The following HNRNPL variants were observed in gnomAD, a reference collection of about 807,000 sequenced individuals.
The protein encoded by HNRNPL is heterogeneous nuclear ribonucleoprotein L, also known as epididymis secretory sperm binding protein.
In HNRNPL, 12 loss-of-function variants were observed where a neutral mutation model predicts 64.0. The ratio of observed to expected loss-of-function variants is 0.19; its 90% CI spans 0.12 to 0.30. The LOEUF (loss-of-function observed/expected upper bound fraction) is 0.30. Among genes scored for constraint, HNRNPL ranks in the 10% least tolerant of loss-of-function variants. The probability of loss-of-function intolerance (pLI) is 1.00; values close to 1 mark genes in which losing one functional copy is unlikely to be tolerated. For missense variants in HNRNPL, 484 were observed against 797.4 expected (o/e 0.61, Z 4.73); for synonymous variants, 385 against 313.0 (o/e 1.23, Z -2.43).
chr19:38,844,105 G>A lies in HNRNPL; in HGVS notation c.711-1C>T, dbSNP rs749309091. ...CTGGGCACTTTGAACTGAGTCAAAT[G>A]TGAGTCAAGTTAAGGAAAGTCCCAT... On this transcript the variant is annotated splice_acceptor_variant, in intron 4 of 12. Transcript: ENST00000221419. LOFTEE classifies it high-confidence loss of function. 5 of 1,601,244 alleles carry A rather than the reference G, an allele frequency of 3.1e-6. No homozygotes were observed. Among genetic ancestry groups the A allele is most frequent in the African/African-American group, 1.3e-5 (1 of 74,666 alleles).
At chr19:38,838,739 C>T in intron 9 of HNRNPL, 141 bp from the exon 10 acceptor site, 1 of 1,307,024 alleles carries the variant, frequency 7.7e-7, no homozygotes, top group Admixed American at 1.7e-5. Context: ...CTCACTTTCT[C>T]CTGTGGTGTC....
At chr19:38,843,588 C>T (rs1972185574) in intron 6 of HNRNPL, 5 of 522,064 alleles carry the variant, frequency 9.6e-6, no homozygotes, top group Non-Finnish European at 1.4e-5. Flanking sequence ...TGAGGCCCTG[C>T]TCCCCGCCCA....
chr19:38,849,622 C>T, intron 1 of HNRNPL, 78 bp downstream of exon 1: 1 of 1,293,266 alleles, frequency 7.7e-7, no homozygotes, highest in Non-Finnish European at 9.8e-7. Context: ...AGGCCCCCCT[C>T]AAAAAATAAA....
At chr19:38,848,140 G>C (rs560983425) in intron 1 of HNRNPL, among the ~76,000 whole-genome samples, 2 of 152,308 alleles carry the variant, frequency 1.3e-5, no homozygotes, top group South Asian at 2.1e-4. Context: ...ACCCAGGCTG[G>C]AGTGCTATGG....
At chr19:38,842,606 G>C (rs947816809) in intron 6 of HNRNPL, among the ~76,000 whole-genome samples, 6 of 152,110 alleles carry the variant, frequency 3.9e-5, no homozygotes, top group Non-Finnish European at 8.8e-5. Flanking sequence ...TGCATGTTCT[G>C]TTCTCTCCAG....
At chr19:38,847,859 A>G (rs1972353488) in intron 1 of HNRNPL, among the ~76,000 whole-genome samples, 1 of 152,186 alleles carries the variant, frequency 6.6e-6, no homozygotes, top group South Asian at 2.1e-4. Flanking sequence ...TCCCCTTTGC[A>G]TGTGCCCCAA....
chr19:38,840,421 C>A, intron 7 of HNRNPL, 45 bp from the exon 8 acceptor site: 1 of 1,562,762 alleles, frequency 6.4e-7, no homozygotes, highest in Non-Finnish European at 8.7e-7. Flanking sequence ...TGAGAATTTG[C>A]ACGGCGGGCG....
At chr19:38,845,554 G>A (rs570748084) in intron 4 of HNRNPL, 96 bp downstream of exon 4, 26 of 973,578 alleles carry the variant, frequency 2.7e-5, no homozygotes, top group South Asian at 2.6e-4. Flanking sequence ...AGCCACTCCC[G>A]TGGTCAGCAG....
chr19:38,850,596 G>A (rs968889901), upstream of HNRNPL, among the ~76,000 whole-genome samples: 4 of 152,240 alleles, frequency 2.6e-5, no homozygotes, highest in Admixed American at 2.6e-4. Flanking sequence ...ACGAGCGAAG[G>A]CGAGAACGCA....
Position 38,837,366 on chromosome 19 carries a change from G to A in HNRNPL, c.1711+18C>T, listed in dbSNP as rs1224813825. ...TTAGGTCACCAGGTTGATGCCTGCA[G>A]GACACACAGATACTCACTTGGGTTT... On this transcript the variant is annotated intron_variant, in intron 12 of 12. Coordinates refer to ENST00000221419, the MANE Select transcript of HNRNPL (RefSeq NM_001533.3). 4 of 1,598,734 alleles carry A rather than the reference G, an allele frequency of 2.5e-6. No individual in the cohort carries two copies. The highest frequency in any genetic ancestry group is 2.6e-6 in the Non-Finnish European group (3 of 1,166,266).
intron 6 of HNRNPL, chr19:38,840,827 A>G (rs1600054441): frequency 2.1e-6 from 1 of 480,158 alleles, no homozygotes; most frequent in East Asian, 4.0e-5. Context: ...GCTCTCACCT[A>G]CCCTGGCCCT....
chr19:38,849,600 G>A (rs1220301820), intron 1 of HNRNPL, 100 bp downstream of exon 1: 6 of 1,277,112 alleles, frequency 4.7e-6, no homozygotes, highest in Non-Finnish European at 5.9e-6. Flanking sequence ...GATGGCCTGG[G>A]CGCGTGCGCA....
In HNRNPL at chr19:38,849,858, C is replaced by G; in HGVS notation, c.109G>C (p.Ala37Pro). The G allele has an allele frequency of 8.2e-7, 1 of 1,221,474 alleles. No individual in the cohort carries two copies. Among genetic ancestry groups the G allele is most frequent in the Non-Finnish European group, 1.2e-6 (1 of 867,174 alleles). 75.7% of individuals were successfully genotyped at this position (1,221,474 alleles called of 1,614,324 possible). ...RRSGAMVKMA[A>P]AGGGGGGGRY... ...CCACCGCCGCCTCCGCCGCCCGCCG[C>G]CGCCATCTTCACCATCGCTCCCGAC... The change falls in exon 1 of 13, where the codon GCG becomes CCG. Residue 37 changes from alanine to proline, a missense_variant. This residue lies in a region of HNRNPL where 190 missense variants were observed against 160.1 expected (regional missense o/e 1.19). Coordinates refer to ENST00000221419, the MANE Select transcript of HNRNPL (RefSeq NM_001533.3).
chr19:38,838,800 A>G lies in HNRNPL; in HGVS notation c.1355+94T>C. On this transcript the variant is annotated intron_variant, in intron 9 of 12. Coordinates refer to ENST00000221419, the MANE Select transcript of HNRNPL (RefSeq NM_001533.3). ...CCACATCCCATTTCTGTGTGAGTCA[A>G]CACCTCGGCCTCACTGTGCTCCTCT... is the stretch of plus-strand genomic sequence containing the variant. The G allele has an allele frequency of 2.6e-6, 4 of 1,528,656 alleles. No individual in the cohort carries two copies. The South Asian group carries it at 3.4e-5, about 13-fold the overall frequency. 94.7% of individuals were successfully genotyped at this position (1,528,656 alleles called of 1,614,324 possible).
At chr19:38,852,109 C>A (rs1405983224), upstream of HNRNPL, among the ~76,000 whole-genome samples, 3 of 136,894 alleles carry the variant, frequency 2.2e-5, no homozygotes, top group African/African-American at 3.4e-5. Flanking sequence ...GGCCGGAGCA[C>A]GGCGGAACGG....
chr19:38,846,320 T>C (rs1356444676), intron 2 of HNRNPL, among the ~76,000 whole-genome samples: 2 of 152,174 alleles, frequency 1.3e-5, no homozygotes, highest in East Asian at 3.8e-4. Flanking sequence ...CTCACCAGAC[T>C]GTCAGATGCC....
intron 2 of HNRNPL, among the ~76,000 whole-genome samples, chr19:38,847,053 C>T (rs1972321346): frequency 6.6e-6 from 1 of 152,118 alleles, no homozygotes; most frequent in Admixed American, 6.6e-5. Context: ...CAGCCTGGGC[C>T]ACAAAGCGAG....
intron 4 of HNRNPL, 184 bp downstream of exon 4, chr19:38,845,466 C>T (rs943609248): frequency 1.1e-5 from 7 of 611,032 alleles, no homozygotes; most frequent in African/African-American, 1.9e-5. Flanking sequence ...AAGATCTGCA[C>T]GTCCACACGA....
rs1260618070 is a variant in HNRNPL, at chr19:38,836,557, G to A, written c.*165C>T. 1.1e-5 allele frequency: 5 copies of A among 447,630 alleles called. No individual in the cohort carries two copies. Among genetic ancestry groups the A allele is most frequent in the East Asian group, 6.7e-5 (2 of 29,648 alleles). The allele number at this position is 447,630 out of a possible 1,614,324, so 27.7% of individuals were successfully genotyped here. ...CTCCCTCCCCCTGCAGATTTCCAGC[G>A]TTTCCATTAAGGTTAAGTAAGCCTC... On this transcript the variant is annotated 3_prime_UTR_variant, in exon 13 of 13. Coordinates refer to ENST00000221419, the MANE Select transcript of HNRNPL (RefSeq NM_001533.3).
Sources: allele counts gnomAD v4.1 joint callset (sites outside exome capture counted in the v4.1 genomes callset), GRCh38; gene constraint gnomAD v4.1.1; regional missense constraint gnomAD v4.1.1; transcripts MANE v1.5; gene names NCBI Gene and HGNC (gene_info 2026-07-23, HGNC 2026-07-21).